Variants in SNX18 observed in about 807,000 individuals in gnomAD.
SNX18 encodes sorting nexin 18.
A neutral mutation model predicts 48.7 loss-of-function variants in SNX18; 35 were observed. That is an observed-to-expected ratio of 0.72 (90% CI 0.55 to 0.95). SNX18 has a LOEUF of 0.95. Ranked by LOEUF, SNX18 falls within the 40% of genes least tolerant of loss-of-function variation. The pLI is 0.00. For missense variants in SNX18, 824 were observed against 871.0 expected, an observed-to-expected ratio of 0.95 and a Z score of 0.68; for synonymous variants, 492 against 384.7, an observed-to-expected ratio of 1.28 and a Z score of -3.26.
At chr5:54,637,912 C>A in the SNX18 span, among the ~76,000 whole-genome samples, 2 of 152,192 alleles carry the variant, frequency 1.3e-5, no homozygotes, top group Admixed American at 6.5e-5. Context: ...TTCGCCTTCA[C>A]GCAGCAGGAA....
At chr5:54,582,027 T>G in the SNX18 span, among the ~76,000 whole-genome samples, 1 of 152,184 alleles carries the variant, frequency 6.6e-6, no homozygotes, top group Admixed American at 6.5e-5. Context: ...AGAAAGCCAC[T>G]GTGTTCAAGT....
the SNX18 span, among the ~76,000 whole-genome samples, chr5:54,647,315 C>G: frequency 1.3e-5 from 2 of 152,212 alleles, no homozygotes; most frequent in South Asian, 2.1e-4. Flanking sequence ...CTCATCTCAT[C>G]AAGCAATCTT....
At chr5:54,520,138 A>C in intron 1 of SNX18, 1 of 313,862 alleles carries the variant, frequency 3.2e-6, no homozygotes, top group South Asian at 7.5e-5. Context: ...AAGTAATTTC[A>C]GGAAAAGCGT....
At chr5:54,561,012 C>T in the SNX18 span, among the ~76,000 whole-genome samples, 1 of 152,206 alleles carries the variant, frequency 6.6e-6, no homozygotes, top group Non-Finnish European at 1.5e-5. Context: ...GCTCTATGGT[C>T]AAATCAATAG....
chr5:54,630,829 C>CAA, the SNX18 span, among the ~76,000 whole-genome samples: 8,682 of 94,308 alleles, frequency 0.092, 328 homozygotes, highest in Middle Eastern at 0.11. Flanking sequence ...AAGACTCAGT[C>CAA]AAAAAAAAAA....
the SNX18 span, among the ~76,000 whole-genome samples, chr5:54,642,502 G>A: frequency 1.1e-4 from 16 of 152,040 alleles, no homozygotes; most frequent in African/African-American, 3.9e-4. Context: ...TGCCAAACAG[G>A]GTCAACGTGG....
At chr5:54,612,590 T>C in the SNX18 span, among the ~76,000 whole-genome samples, 6 of 152,140 alleles carry the variant, frequency 3.9e-5, no homozygotes, top group Non-Finnish European at 7.4e-5. Context: ...ACTTGGATTT[T>C]ATCGGCATAC....
chr5:54,567,762 C>A, the SNX18 span, among the ~76,000 whole-genome samples: 499 of 152,196 alleles, frequency 3.3e-3, 4 homozygotes, highest in African/African-American at 0.012. Context: ...GTGATGGTGC[C>A]CTGGAGGATA....
At chr5:54,627,851 AG>A in the SNX18 span, among the ~76,000 whole-genome samples, 2 of 152,200 alleles carry the variant, frequency 1.3e-5, no homozygotes, top group Non-Finnish European at 2.9e-5. Flanking sequence ...AGGCCCTGTA[AG>A]GATGAGAACC....
At chr5:54,548,101 C>CA (rs1159598771), downstream of SNX18, among the ~76,000 whole-genome samples, 8 of 152,166 alleles carry the variant, frequency 5.3e-5, no homozygotes, top group Non-Finnish European at 1.2e-4. Flanking sequence ...CCAGGGATCA[C>CA]AAGTCCTCCC....
the SNX18 span, among the ~76,000 whole-genome samples, chr5:54,584,775 G>T: frequency 6.6e-6 from 1 of 152,126 alleles, no homozygotes; most frequent in African/African-American, 2.4e-5. Context: ...GAAGAATGAG[G>T]AGGCATAGCT....
chr5:54,518,975 C>A lies in SNX18; in HGVS notation c.1023C>A (p.Thr341=). 1 of 1,613,576 alleles carries A rather than the reference C, an allele frequency of 6.2e-7. No individual in the cohort carries two copies. Among genetic ancestry groups the A allele is most frequent in the Non-Finnish European group, 8.5e-7 (1 of 1,179,970 alleles). The part of the protein sequence containing the change: ...SVPHLPEKQA[T]GRFEEDFISK... ...CCCACCTGCCCGAGAAGCAGGCCAC[C>A]GGCCGCTTCGAGGAGGACTTCATCT... Residue 341 remains threonine (T), a synonymous_variant, in exon 1 of 2, where the codon ACC becomes ACA. Coordinates refer to ENST00000381410, the MANE Select transcript of SNX18 (RefSeq NM_001102575.2).
At chr5:54,524,344 T>G (rs2565008) in intron 1 of SNX18, among the ~76,000 whole-genome samples, 30 of 152,022 alleles carry the variant, frequency 2.0e-4, no homozygotes, top group Non-Finnish European at 3.5e-4. Context: ...TTCAGAGTCA[T>G]GCCGACCACA....
the SNX18 span, among the ~76,000 whole-genome samples, chr5:54,560,020 TCTCAGTGGG>T: frequency 6.6e-6 from 1 of 152,090 alleles, no homozygotes; most frequent in Non-Finnish European, 1.5e-5. Context: ...TAATTTACAC[TCTCAGTGGG>T]AATGTAAATT....
Position 54,543,761 on chromosome 5 carries a change from T to G in SNX18, c.*329T>G, listed in dbSNP as rs1047167544. The G allele has an allele frequency of 4.8e-6, 1 of 210,260 alleles. No individual in the cohort carries two copies. The highest frequency in any genetic ancestry group is 9.6e-6 in the Non-Finnish European group (1 of 104,702). The allele number at this position is 210,260 out of a possible 1,614,324, so 13.0% of individuals were successfully genotyped here. ...CATACTTTGTAGACCTCAAAACCCA[T>G]GAAGGGTCTCAAAGAAGCTGGCTGG... On this transcript the variant is annotated 3_prime_UTR_variant, in exon 2 of 2. Coordinates refer to ENST00000381410, the MANE Select transcript of SNX18 (RefSeq NM_001102575.2).
In SNX18 at chr5:54,518,388, G is replaced by C. The variant is rs762233225; in HGVS notation, c.436G>C (p.Ala146Pro). 6.3e-7 allele frequency: 1 copy of C among 1,577,112 alleles called. No individual in the cohort carries two copies. Among genetic ancestry groups the C allele is most frequent in the Non-Finnish European group, 8.6e-7 (1 of 1,162,804 alleles). ...SPQQLYGGYQ[A>P]SQGSDDDWDD... ...TCAGCAGCTCTACGGCGGCTACCAGGCCAGCCAAGGCAGCGATGATGACTG... is the reference window on the plus strand; with the variant it reads ...TCAGCAGCTCTACGGCGGCTACCAGCCCAGCCAAGGCAGCGATGATGACTG... Residue 146 changes from alanine to proline, a missense_variant, in exon 1 of 2, where the codon GCC becomes CCC. By Grantham distance (27) the Ala-to-Pro change is conservative. Coordinates refer to ENST00000381410, the MANE Select transcript of SNX18 (RefSeq NM_001102575.2).
At chr5:54,646,744 T>C in the SNX18 span, among the ~76,000 whole-genome samples, 1 of 152,206 alleles carries the variant, frequency 6.6e-6, no homozygotes, top group Admixed American at 6.5e-5. Flanking sequence ...CTGCCACCTT[T>C]TCATGTGTCC....
At chr5:54,614,202 G>A in the SNX18 span, among the ~76,000 whole-genome samples, 2 of 152,182 alleles carry the variant, frequency 1.3e-5, no homozygotes, top group Non-Finnish European at 2.9e-5. Flanking sequence ...AAGACTTAGG[G>A]AGGAGAAAAA....
the SNX18 span, among the ~76,000 whole-genome samples, chr5:54,554,117 A>G: frequency 1.3e-5 from 2 of 152,038 alleles, no homozygotes; most frequent in Non-Finnish European, 2.9e-5. Flanking sequence ...CTTGTATTGA[A>G]CCTTTCTTCT....
Sources: gnomAD v4.1 joint callset for allele counts (sites outside exome capture counted in the v4.1 genomes callset) on GRCh38, gnomAD v4.1.1 for gene constraint, MANE v1.5 for transcripts, NCBI Gene and HGNC (gene_info 2026-07-23, HGNC 2026-07-21) for gene names.